PPFIBP1: variants seen among roughly 807,000 people sequenced by gnomAD.
PPFIBP1 encodes the protein liprin-beta-1.
In PPFIBP1, 112 loss-of-function variants were observed where a neutral mutation model predicts 137.8. The ratio of observed to expected loss-of-function variants is 0.81; its 90% CI spans 0.70 to 0.95. The LOEUF (loss-of-function observed/expected upper bound fraction) is 0.95, where lower values mean the gene tolerates loss of function less well. PPFIBP1 is among the 40% of genes least tolerant of loss of function. The probability of loss-of-function intolerance (pLI) is 0.00; values close to 1 mark genes in which losing one functional copy is unlikely to be tolerated. For missense variants in PPFIBP1, 1,083 were observed against 1,196.6 expected (o/e 0.91, Z 1.40); for synonymous variants, 378 against 417.3 (o/e 0.91, Z 1.15).
intron 1 of PPFIBP1, among the ~76,000 whole-genome samples, chr12:27,533,027 A>G (rs567882528): frequency 1.8e-4 from 28 of 152,212 alleles, no homozygotes; most frequent in African/African-American, 6.3e-4. Flanking sequence ...TTTAAAGATG[A>G]TGTCTTGCTA....
intron 7 of PPFIBP1, among the ~76,000 whole-genome samples, chr12:27,653,421 T>C (rs1170976711): frequency 6.6e-6 from 1 of 151,944 alleles, no homozygotes; most frequent in African/African-American, 2.4e-5. Context: ...CCCCCGTCTC[T>C]ACTAAAAATA....
At chr12:27,563,833 G>T (rs1314479598) in intron 1 of PPFIBP1, among the ~76,000 whole-genome samples, 1 of 150,858 alleles carries the variant, frequency 6.6e-6, no homozygotes, top group Non-Finnish European at 1.5e-5. Context: ...AGACCCCAAA[G>T]ACTCAGCACT....
chr12:27,668,052 C>T (rs977634473), intron 13 of PPFIBP1, among the ~76,000 whole-genome samples: 22 of 152,100 alleles, frequency 1.4e-4, no homozygotes, highest in African/African-American at 4.6e-4. Flanking sequence ...TGTTAGGACA[C>T]GTGGGATGGG....
intron 3 of PPFIBP1, among the ~76,000 whole-genome samples, chr12:27,634,344 C>T (rs1323567671): frequency 6.6e-6 from 1 of 152,080 alleles, no homozygotes; most frequent in African/African-American, 2.4e-5. Context: ...ATGTGTTTAC[C>T]TTCCCAATTC....
intron 2 of PPFIBP1, among the ~76,000 whole-genome samples, chr12:27,603,801 G>T (rs1841901380): frequency 6.6e-6 from 1 of 152,178 alleles, no homozygotes; most frequent in South Asian, 2.1e-4. Context: ...GGTGAAATGA[G>T]TGTCATCTAA....
intron 1 of PPFIBP1, among the ~76,000 whole-genome samples, chr12:27,565,484 G>A (rs10506023): frequency 0.71 from 107,231 of 152,036 alleles, 38,000 homozygotes; most frequent in African/African-American, 0.78. Flanking sequence ...TCACCTCACC[G>A]TATTTCTCTA....
At chr12:27,692,109 T>A (rs1032927549) in intron 28 of PPFIBP1, among the ~76,000 whole-genome samples, 181 bp downstream of exon 28, 1 of 152,218 alleles carries the variant, frequency 6.6e-6, no homozygotes, top group Non-Finnish European at 1.5e-5. Flanking sequence ...ACTTAATGCA[T>A]ACTATGTTTA....
At chr12:27,535,406 G>GTTTGT (rs142453813) in intron 1 of PPFIBP1, among the ~76,000 whole-genome samples, 4 of 151,870 alleles carry the variant, frequency 2.6e-5, no homozygotes, top group South Asian at 2.1e-4. Context: ...TGTTGTTGTT[G>GTTTGT]TTTGTTTTGT....
At chr12:27,594,131 G>C in intron 2 of PPFIBP1, 17 of 541,834 alleles carry the variant, frequency 3.1e-5, no homozygotes, top group Admixed American at 4.7e-5. Context: ...GGGGAGAAGA[G>C]AATCATGGTA....
intron 27 of PPFIBP1, among the ~76,000 whole-genome samples, chr12:27,689,459 G>A (rs1489174860): frequency 1.3e-5 from 2 of 151,980 alleles, no homozygotes; most frequent in African/African-American, 2.4e-5. Context: ...AGAAGAAGAA[G>A]TACAGGGGCT....
chr12:27,600,773 T>G (rs1469096693), intron 2 of PPFIBP1, among the ~76,000 whole-genome samples: 1 of 152,204 alleles, frequency 6.6e-6, no homozygotes, highest in African/African-American at 2.4e-5. Flanking sequence ...AGTATATACT[T>G]AGTACTTAAT....
intron 7 of PPFIBP1, among the ~76,000 whole-genome samples, chr12:27,651,230 C>T (rs1053494901): frequency 2.6e-5 from 4 of 151,858 alleles, no homozygotes; most frequent in African/African-American, 9.7e-5. Context: ...GTCTTGCTTC[C>T]TCCATAGCAA....
intron 8 of PPFIBP1, chr12:27,655,256 T>C (rs1232800132): frequency 7.0e-7 from 1 of 1,433,520 alleles, no homozygotes; most frequent in Non-Finnish European, 9.5e-7. Flanking sequence ...CGTTGGGTGA[T>C]GGGGTCCATG....
At chr12:27,593,320 C>T (rs528033444) in intron 2 of PPFIBP1, 48 of 378,080 alleles carry the variant, frequency 1.3e-4, no homozygotes, top group African/African-American at 9.8e-4. Flanking sequence ...CCCTTGGGAC[C>T]TGCTTCCTAG....
intron 1 of PPFIBP1, among the ~76,000 whole-genome samples, chr12:27,536,133 T>C (rs1192318345): frequency 6.6e-6 from 1 of 152,206 alleles, no homozygotes; most frequent in Non-Finnish European, 1.5e-5. Flanking sequence ...TCAGTTGTAT[T>C]GGTAACACAC....
chr12:27,677,704 T>G (rs927616403), intron 19 of PPFIBP1: 16 of 152,316 alleles, frequency 1.1e-4, no homozygotes, highest in African/African-American at 3.9e-4. Context: ...TTCCTCTTTG[T>G]AAGGCAGGGG....
rs779961115 is a variant in PPFIBP1, at chr12:27,693,072, G to T, written c.*190G>T. The T allele has an allele frequency of 2.9e-6, 2 of 697,924 alleles. No homozygotes were observed. Among genetic ancestry groups the T allele is most frequent in the Non-Finnish European group, 4.4e-6 (2 of 457,248 alleles). The allele number at this position is 697,924 out of a possible 1,614,324, so 43.2% of individuals were successfully genotyped here. On this transcript the variant is annotated 3_prime_UTR_variant, in exon 30 of 30. Transcript: ENST00000228425. ...AGTTGCCACAAAAAATAAGACACTG[G>T]TGAATGAGAGTATAATTGTTTTTCT...
At chr12:27,649,910 C>A in intron 6 of PPFIBP1, 100 bp from the exon 7 acceptor site, 1 of 1,096,282 alleles carries the variant, frequency 9.1e-7, no homozygotes, top group Non-Finnish European at 1.3e-6. Context: ...ACTATATCCT[C>A]TACTTGATAG....
At chr12:27,567,921 G>A (rs1254261960) in intron 1 of PPFIBP1, among the ~76,000 whole-genome samples, 1 of 152,080 alleles carries the variant, frequency 6.6e-6, no homozygotes, top group African/African-American at 2.4e-5. Flanking sequence ...TTTAAGAGGT[G>A]GGGTATTGCT....
Sources: gnomAD v4.1 joint callset for allele counts (sites outside exome capture counted in the v4.1 genomes callset) on GRCh38, gnomAD v4.1.1 for gene constraint, MANE v1.5 for transcripts, NCBI Gene and HGNC (gene_info 2026-07-23, HGNC 2026-07-21) for gene names.